The following PHF14 variants were observed in gnomAD, a reference collection of about 807,000 sequenced individuals.
PHF14 encodes the protein PHD finger protein 14.
Under a neutral mutation model 117.9 loss-of-function variants are expected in PHF14, and 55 were observed. The observed-to-expected ratio is 0.47, with a 90% CI of 0.38 to 0.58. The LOEUF is 0.58. PHF14 is among the 20% of genes least tolerant of loss of function. PHF14 has a pLI of 0.00. For missense variants in PHF14, 978 were observed against 1,122.2 expected (o/e 0.87, Z 1.84); for synonymous variants, 409 against 368.6 (o/e 1.11, Z -1.26).
rs772784438 is a variant in PHF14 at position 11,062,086 on chromosome 7, G to C, written c.2654+1G>C. On this transcript the variant is annotated splice_donor_variant, in intron 16 of 17. Coordinates refer to ENST00000634607, the MANE Select transcript of PHF14 (RefSeq NM_001007157.2). LOFTEE classifies it high-confidence loss of function. The stretch of plus-strand genomic sequence containing the variant: ...CTGGAGACAATGAAAATCTTGTCAG[G>C]TAAGTTGGATGCTAAAACCTTGTCT... The C allele has an allele frequency of 7.5e-6, 12 of 1,604,174 alleles. No individual in the cohort carries two copies. Among genetic ancestry groups the C allele is most frequent in the Non-Finnish European group, 1.0e-5 (12 of 1,175,386 alleles).
rs548330938 is a variant in PHF14 at position 11,000,491 on chromosome 7, CACTACACCTGACT to C, written c.1045+9646_1045+9658del. Among the ~76,000 whole-genome samples the C allele has an allele frequency of 1.5e-3, 231 of 152,054 alleles. 2 individuals are homozygous for C. Among genetic ancestry groups the C allele is most frequent in the African/African-American group, 5.4e-3 (222 of 41,480 alleles). On this transcript the variant is annotated intron_variant, in intron 4 of 17. Transcript: ENST00000634607. Reference sequence around the variant, plus strand: ...TGTAGCTGGGATTACAGGCACACACCACTACACCTGACTAATTTTTTATTTTTAGTAGAGATGG... The same window carrying C: ...TGTAGCTGGGATTACAGGCACACACCAATTTTTTATTTTTAGTAGAGATGG...
chr7:11,046,723 C>T (rs1251614993), intron 13 of PHF14, among the ~76,000 whole-genome samples: 1 of 151,858 alleles, frequency 6.6e-6, no homozygotes, highest in Non-Finnish European at 1.5e-5. Flanking sequence ...AAAGAGATAC[C>T]CATAATGCAG....
intron 4 of PHF14, among the ~76,000 whole-genome samples, chr7:11,007,795 G>A (rs1783178814): frequency 6.6e-6 from 1 of 151,786 alleles, no homozygotes; most frequent in Non-Finnish European, 1.5e-5. Context: ...TTTTTTTTGA[G>A]AAATATGCTT....
At chr7:11,058,158 C>A (rs944345803) in intron 14 of PHF14, among the ~76,000 whole-genome samples, 1 of 152,088 alleles carries the variant, frequency 6.6e-6, no homozygotes, top group African/African-American at 2.4e-5. Context: ...AGAAAAGGAC[C>A]ACCCAGTTAT....
intron 14 of PHF14, among the ~76,000 whole-genome samples, chr7:11,052,601 A>G (rs548289493): frequency 1.3e-5 from 2 of 152,302 alleles, no homozygotes; most frequent in South Asian, 2.1e-4. Context: ...AGCAATGGAT[A>G]ATGTTTCTGT....
chr7:11,000,319 C>T (rs1486276113), intron 4 of PHF14, among the ~76,000 whole-genome samples: 1 of 133,144 alleles, frequency 7.5e-6, no homozygotes, highest in Non-Finnish European at 1.6e-5. Context: ...AGTATCTTTT[C>T]ATATGCTTAT....
chr7:11,051,191 C>T (rs1784841253), intron 13 of PHF14, among the ~76,000 whole-genome samples: 1 of 151,994 alleles, frequency 6.6e-6, no homozygotes. Flanking sequence ...TAGGCGTGTG[C>T]CACCAAGCCT....
chr7:11,050,096 A>G (rs972102736), intron 13 of PHF14, among the ~76,000 whole-genome samples: 1 of 152,230 alleles, frequency 6.6e-6, no homozygotes, highest in African/African-American at 2.4e-5. Context: ...TTGCATTAAC[A>G]AAACAAATGG....
At chr7:11,145,092 T>G (rs757682318) in intron 17 of PHF14, among the ~76,000 whole-genome samples, 1 of 151,916 alleles carries the variant, frequency 6.6e-6, no homozygotes, top group Non-Finnish European at 1.5e-5. Flanking sequence ...ATGGTTAAGA[T>G]GGTAATTTTT....
intron 4 of PHF14, among the ~76,000 whole-genome samples, chr7:11,007,189 G>A (rs536366905): frequency 2.0e-5 from 3 of 151,270 alleles, no homozygotes; most frequent in South Asian, 2.1e-4. Flanking sequence ...GCGAAACTCC[G>A]TCTCACAAAA....
rs1257989330 is a variant in PHF14, at chr7:11,101,976, GA to G, written c.2655-9373del. Among the ~76,000 whole-genome samples the G allele has an allele frequency of 2.6e-5, 4 of 151,694 alleles. No homozygotes were observed. The East Asian group carries it at 7.7e-4, about 29-fold the overall frequency. ...TAAAAGAAAGTCAGCTTAGGCACAGGATAAGAATCATTTGAAAATTTCTTCC... is the reference window on the plus strand; with the variant it reads ...TAAAAGAAAGTCAGCTTAGGCACAGGTAAGAATCATTTGAAAATTTCTTCC... On this transcript the variant is annotated intron_variant, in intron 16 of 17. Coordinates refer to ENST00000634607, the MANE Select transcript of PHF14 (RefSeq NM_001007157.2).
intron 5 of PHF14, among the ~76,000 whole-genome samples, chr7:11,020,833 T>G (rs1167814192): frequency 6.6e-6 from 1 of 151,990 alleles, no homozygotes; most frequent in Admixed American, 6.6e-5. Flanking sequence ...GCTTTTAGGC[T>G]TTTTTTTCCT....
At chr7:11,101,715 G>A (rs894664224) in intron 16 of PHF14, among the ~76,000 whole-genome samples, 3 of 151,728 alleles carry the variant, frequency 2.0e-5, no homozygotes, top group Non-Finnish European at 4.4e-5. Context: ...GAACCTAGAA[G>A]CATTAAACAC....
intron 6 of PHF14, among the ~76,000 whole-genome samples, chr7:11,025,862 G>A (rs560540601): frequency 4.6e-5 from 7 of 150,950 alleles, no homozygotes; most frequent in Admixed American, 1.3e-4. Flanking sequence ...CTGTAATCCC[G>A]ACACTTTGGG....
At chr7:11,107,166 G>C in intron 16 of PHF14, 1 of 984,578 alleles carries the variant, frequency 1.0e-6, no homozygotes, top group Non-Finnish European at 1.2e-6. Flanking sequence ...TTAGGCATTC[G>C]ATGAAATAAA....
intron 4 of PHF14, among the ~76,000 whole-genome samples, chr7:11,001,386 G>T (rs1782867199): frequency 6.6e-6 from 1 of 151,470 alleles, no homozygotes; most frequent in East Asian, 1.9e-4. Flanking sequence ...TGGGTTTTTT[G>T]CCTCTCCATG....
chr7:11,126,022 C>T (rs919210537), intron 17 of PHF14, among the ~76,000 whole-genome samples: 10 of 152,124 alleles, frequency 6.6e-5, no homozygotes, highest in Admixed American at 2.0e-4. Context: ...TGTTCACTTT[C>T]GTGTTCTTGA....
At chr7:10,983,838 T>G (rs1782127079) in intron 3 of PHF14, among the ~76,000 whole-genome samples, 1 of 152,176 alleles carries the variant, frequency 6.6e-6, no homozygotes, top group Non-Finnish European at 1.5e-5. Context: ...CAGTAATGGC[T>G]CAGTGCTTCT....
At chr7:11,084,375 C>A (rs1786292510) in intron 16 of PHF14, among the ~76,000 whole-genome samples, 1 of 152,152 alleles carries the variant, frequency 6.6e-6, no homozygotes, top group African/African-American at 2.4e-5. Flanking sequence ...CCTTTGAGGG[C>A]ACAGAATTAG....
Sources: allele counts gnomAD v4.1 joint callset (sites outside exome capture counted in the v4.1 genomes callset), GRCh38; gene constraint gnomAD v4.1.1; transcripts MANE v1.5; gene names NCBI Gene and HGNC (gene_info 2026-07-23, HGNC 2026-07-21).